USH2A: variants seen among roughly 807,000 people sequenced by gnomAD.
USH2A encodes usherin, also known as Usher syndrome 2A (autosomal recessive, mild).
Under a neutral mutation model 538.9 loss-of-function variants are expected in USH2A, and 443 were observed. The ratio of observed to expected loss-of-function variants is 0.82; its 90% CI spans 0.76 to 0.89. The LOEUF is 0.89. USH2A is among the 40% of genes least tolerant of loss of function. The probability of loss-of-function intolerance (pLI) is 0.00; values close to 1 mark genes in which losing one functional copy is unlikely to be tolerated. For synonymous variants in USH2A, 2,413 were observed against 2,273.5 expected (o/e 1.06, Z -1.75); for missense variants, 6,633 against 6,324.8 (o/e 1.05, Z -1.65).
chr1:216,416,038 C>G (rs2039572071), intron 3 of USH2A, among the ~76,000 whole-genome samples: 1 of 151,930 alleles, frequency 6.6e-6, no homozygotes, highest in Admixed American at 6.6e-5. Flanking sequence ...TGGTTGTAGG[C>G]ACCTGTAATC....
intron 35 of USH2A, among the ~76,000 whole-genome samples, chr1:215,977,936 A>T (rs1282155676): frequency 6.6e-6 from 1 of 152,156 alleles, no homozygotes; most frequent in Non-Finnish European, 1.5e-5. Flanking sequence ...GACCAGCCTG[A>T]GCAATGTGGC....
In USH2A at chr1:216,364,995, C is replaced by A; in HGVS notation, c.742G>T (p.Asp248Tyr). 1.2e-6 allele frequency: 2 copies of A among 1,613,750 alleles called. No individual in the cohort carries two copies. The highest frequency in any genetic ancestry group is 1.1e-5 in the South Asian group (1 of 91,066). Reference sequence around the variant, plus strand: ...ATTTGCACAGTACCAGATGCAAAATCTGTAATTGAACCACTTAGAGTTCTT... The same window carrying A: ...ATTTGCACAGTACCAGATGCAAAATATGTAATTGAACCACTTAGAGTTCTT... ...NARTLSGSIT[D>Y]FASGTVQIGQ... Residue 248 changes from aspartate to tyrosine, a missense_variant, in exon 4 of 72, where the codon GAT (aspartate) becomes TAT (tyrosine). By Grantham distance (160) the Asp-to-Tyr change is radical. Coordinates refer to ENST00000307340, the MANE Select transcript of USH2A (RefSeq NM_206933.4).
At chr1:215,739,902 C>T (rs1660253712) in intron 60 of USH2A, among the ~76,000 whole-genome samples, 1 of 152,130 alleles carries the variant, frequency 6.6e-6, no homozygotes, top group Non-Finnish European at 1.5e-5. Context: ...TAAGGGAAGG[C>T]CTGAGGCTGC....
chr1:216,010,125 G>A (rs11120712), intron 32 of USH2A, among the ~76,000 whole-genome samples: 70,813 of 151,900 alleles, frequency 0.47, 17,046 homozygotes, highest in East Asian at 0.69. Context: ...AATTAACCTC[G>A]CCTTCAAGGT....
At chr1:216,021,264 T>C (rs1410538283) in intron 32 of USH2A, among the ~76,000 whole-genome samples, 1 of 152,086 alleles carries the variant, frequency 6.6e-6, no homozygotes, top group Non-Finnish European at 1.5e-5. Context: ...TTCCCACGTG[T>C]TGTGGGAGGG....
intron 11 of USH2A, among the ~76,000 whole-genome samples, chr1:216,274,848 C>T: frequency 6.6e-6 from 1 of 152,080 alleles, no homozygotes; most frequent in Non-Finnish European, 1.5e-5. Context: ...GCTCCTCTTC[C>T]CCTCCAAAAG....
At chr1:215,720,417 G>C (rs1488174050) in intron 61 of USH2A, among the ~76,000 whole-genome samples, 4 of 152,176 alleles carry the variant, frequency 2.6e-5, no homozygotes, top group Admixed American at 6.5e-5. Flanking sequence ...GCAATGACTA[G>C]AGTCAAAAGG....
intron 32 of USH2A, among the ~76,000 whole-genome samples, chr1:216,031,191 A>G (rs1439444439): frequency 6.6e-6 from 1 of 152,010 alleles, no homozygotes; most frequent in Non-Finnish European, 1.5e-5. Context: ...AATTTCCTAA[A>G]TCAGATAGAA....
intron 32 of USH2A, among the ~76,000 whole-genome samples, chr1:216,040,827 C>A (rs1289104778): frequency 6.6e-6 from 1 of 151,756 alleles, no homozygotes; most frequent in Non-Finnish European, 1.5e-5. Flanking sequence ...CCTCAAAATT[C>A]TTAAAAATCT....
At chr1:216,356,105 A>T (rs2038388107) in intron 4 of USH2A, among the ~76,000 whole-genome samples, 1 of 152,126 alleles carries the variant, frequency 6.6e-6, no homozygotes, top group East Asian at 1.9e-4. Flanking sequence ...CTAGCATTCA[A>T]ACCCAAATCT....
intron 58 of USH2A, among the ~76,000 whole-genome samples, chr1:215,745,407 A>T (rs1279034656): frequency 6.7e-6 from 1 of 148,848 alleles, no homozygotes; most frequent in African/African-American, 2.5e-5. Flanking sequence ...ATGTTTGCAG[A>T]AGTAGTACAA....
intron 43 of USH2A, among the ~76,000 whole-genome samples, chr1:215,875,877 T>C (rs1229888190): frequency 3.4e-5 from 5 of 146,158 alleles, no homozygotes; most frequent in Non-Finnish European, 7.5e-5. Flanking sequence ...TAATTATATA[T>C]ATTATTAATT....
chr1:215,997,812 A>T (rs1668173829), intron 34 of USH2A, among the ~76,000 whole-genome samples: 1 of 152,132 alleles, frequency 6.6e-6, no homozygotes, highest in South Asian at 2.1e-4. Flanking sequence ...TCAAGTTAGT[A>T]TATTTCTTAC....
chr1:216,082,507 C>T (rs560953357), intron 26 of USH2A, among the ~76,000 whole-genome samples: 16 of 150,472 alleles, frequency 1.1e-4, no homozygotes, highest in African/African-American at 3.9e-4. Context: ...CTCTTAAAAG[C>T]CAAGACTTGT....
At chr1:215,949,635 A>T (rs1432679195) in intron 37 of USH2A, among the ~76,000 whole-genome samples, 2 of 152,100 alleles carry the variant, frequency 1.3e-5, no homozygotes, top group Non-Finnish European at 2.9e-5. Flanking sequence ...CATGTATACA[A>T]ATTTAAGTCT....
At chr1:215,900,040 A>G in intron 40 of USH2A, 35 bp downstream of exon 40, 1 of 1,613,268 alleles carries the variant, frequency 6.2e-7, no homozygotes, top group Non-Finnish European at 8.5e-7. Context: ...CCCTATGTAG[A>G]AGACATTTGG....
chr1:215,630,448 A>G (rs1656225976), intron 70 of USH2A, among the ~76,000 whole-genome samples: 1 of 144,468 alleles, frequency 6.9e-6, no homozygotes, highest in East Asian at 2.0e-4. Context: ...ATATACATAT[A>G]TATGTGAATA....
intron 11 of USH2A, among the ~76,000 whole-genome samples, chr1:216,281,113 C>T (rs765533979): frequency 1.6e-4 from 24 of 152,002 alleles, no homozygotes; most frequent in Non-Finnish European, 3.4e-4. Flanking sequence ...CCACATGTAA[C>T]GATACTCCAT....
chr1:215,892,803 A>G (rs1021898179), intron 40 of USH2A, among the ~76,000 whole-genome samples: 1 of 152,218 alleles, frequency 6.6e-6, no homozygotes, highest in Non-Finnish European at 1.5e-5. Context: ...TAACATAAGT[A>G]ACATTATTTA....
Sources: allele counts gnomAD v4.1 joint callset (sites outside exome capture counted in the v4.1 genomes callset), GRCh38; gene constraint gnomAD v4.1.1; transcripts MANE v1.5; gene names NCBI Gene and HGNC (gene_info 2026-07-23, HGNC 2026-07-21).